Variants in CDKL4 observed in about 807,000 individuals in gnomAD.
CDKL4 encodes the protein cyclin dependent kinase like 4.
CDKL4 carries 44 observed loss-of-function variants against 42.0 expected under a neutral mutation model. The observed-to-expected ratio is 1.05, with a 90% CI of 0.82 to 1.35. The LOEUF is 1.35. Among genes scored for constraint, CDKL4 ranks in the 40% most tolerant of loss-of-function variants. CDKL4 has a pLI of 0.00. For synonymous variants in CDKL4, 120 were observed against 121.6 expected (o/e 0.99, Z 0.09); for missense variants, 393 against 369.9 (o/e 1.06, Z -0.51).
chr2:39,226,540 T>A (rs1346161753), intron 2 of CDKL4, among the ~76,000 whole-genome samples: 1 of 149,366 alleles, frequency 6.7e-6, no homozygotes, highest in Non-Finnish European at 1.5e-5. Context: ...TGCATAGATA[T>A]TTTGTGTGTT....
At chr2:39,219,295 G>A (rs1388754317) in intron 3 of CDKL4, among the ~76,000 whole-genome samples, 2 of 152,206 alleles carry the variant, frequency 1.3e-5, no homozygotes, top group African/African-American at 4.8e-5. Context: ...ATCCAAGGCT[G>A]TGAGAATCTA....
chr2:39,175,150 C>T (rs1675114107), downstream of CDKL4, among the ~76,000 whole-genome samples: 1 of 152,128 alleles, frequency 6.6e-6, no homozygotes, highest in Admixed American at 6.6e-5. Flanking sequence ...TTGGGCTGTA[C>T]AATTTCATAG....
chr2:39,220,940 T>C (rs907304956), intron 3 of CDKL4, among the ~76,000 whole-genome samples: 49 of 124,342 alleles, frequency 3.9e-4, no homozygotes, highest in African/African-American at 1.3e-3. Flanking sequence ...TATCTCACCA[T>C]CCCATGGCTC....
At chr2:39,177,403 GTT>G (rs538241800) in intron 9 of CDKL4, among the ~76,000 whole-genome samples, 12 of 136,502 alleles carry the variant, frequency 8.8e-5, no homozygotes, top group Non-Finnish European at 1.1e-4. Context: ...AATCCAGTGA[GTT>G]TTTTTTTTTT....
At chr2:39,208,744 A>T (rs77588629) in intron 4 of CDKL4, among the ~76,000 whole-genome samples, 3,033 of 148,060 alleles carry the variant, frequency 0.02, 116 homozygotes, top group African/African-American at 0.072. Context: ...CAGCCTAAAG[A>T]GATATCCATG....
chr2:39,209,349 T>G (rs1447107012), intron 4 of CDKL4, among the ~76,000 whole-genome samples: 1 of 151,922 alleles, frequency 6.6e-6, no homozygotes, highest in African/African-American at 2.4e-5. Flanking sequence ...TTTGCCATTT[T>G]GAGATGAAGC....
intron 5 of CDKL4, among the ~76,000 whole-genome samples, chr2:39,201,730 A>G (rs1389927027): frequency 6.6e-6 from 1 of 152,186 alleles, no homozygotes; most frequent in Admixed American, 6.5e-5. Flanking sequence ...TTCCTGAAAT[A>G]ACTCAGGAAT....
rs878974977 is a variant in CDKL4 at position 39,225,675 on chromosome 2, T to A, written c.290+164A>T. 3.3e-5 allele frequency among the ~76,000 whole-genome samples: 5 copies of A among 152,162 alleles called. No homozygotes were observed. The South Asian group carries it at 1.0e-3, about 31-fold the overall frequency. On this transcript the variant is annotated intron_variant, in intron 3 of 9. Transcript: ENST00000451199. ...CCTAATTATAACTCCTATAGGTAAATCATTGTTTGCCTTTTGAAGACATCC... is the reference window on the plus strand; with the variant it reads ...CCTAATTATAACTCCTATAGGTAAAACATTGTTTGCCTTTTGAAGACATCC...
intron 1 of CDKL4, among the ~76,000 whole-genome samples, chr2:39,238,118 T>C (rs563276868): frequency 2.6e-5 from 4 of 152,298 alleles, no homozygotes; most frequent in African/African-American, 9.6e-5. Flanking sequence ...AGATATCAGC[T>C]TTTCATAAAT....
At chr2:39,213,412 A>C (rs1440247369) in exon 4 of CDKL4, 2 of 1,595,262 alleles carry the variant, frequency 1.3e-6, no homozygotes, top group Non-Finnish European at 1.7e-6. Flanking sequence ...TATGTATATG[A>C]CAGAAATTAA....
At chr2:39,185,556 G>C (rs887228286) in intron 7 of CDKL4, among the ~76,000 whole-genome samples, 1 of 149,418 alleles carries the variant, frequency 6.7e-6, no homozygotes, top group South Asian at 2.1e-4. Context: ...TCCGCCTCCC[G>C]GGTTGATGCC....
At chr2:39,217,503 C>G (rs1458824684) in intron 3 of CDKL4, among the ~76,000 whole-genome samples, 1 of 151,952 alleles carries the variant, frequency 6.6e-6, no homozygotes, top group African/African-American at 2.4e-5. Context: ...TTATTATTAC[C>G]CAAGATGAAT....
Position 39,190,455 on chromosome 2 carries a change from C to G in CDKL4, c.502G>C (p.Ala168Pro), listed in dbSNP as rs1256482801. The G allele has an allele frequency of 6.2e-6, 10 of 1,613,994 alleles. No homozygotes were observed. Among genetic ancestry groups the G allele is most frequent in the Non-Finnish European group, 8.5e-6 (10 of 1,180,034 alleles). The change falls in exon 6 of 10, where the codon GCT becomes CCT. Residue 168 changes from alanine (A) to proline (P), a missense_variant. Coordinates refer to ENST00000451199, the Ensembl canonical transcript of CDKL4. ...GTATCTCCCACAAGAAGTTCAGGAG[C>G]TCGGTACCATCTCGTAGCTACATAA...
At chr2:39,217,692 G>C (rs779246959) in intron 3 of CDKL4, among the ~76,000 whole-genome samples, 1 of 151,120 alleles carries the variant, frequency 6.6e-6, no homozygotes, top group South Asian at 2.1e-4. Flanking sequence ...AACATGCCAG[G>C]CTTATTTTAT....
At chr2:39,240,062 C>T (rs1417286864) in intron 1 of CDKL4, among the ~76,000 whole-genome samples, 1 of 147,626 alleles carries the variant, frequency 6.8e-6, no homozygotes, top group African/African-American at 2.5e-5. Context: ...TGCACTCCAG[C>T]CTGGGTGACA....
At chr2:39,188,303 C>T (rs894759520) in intron 6 of CDKL4, among the ~76,000 whole-genome samples, 3 of 151,912 alleles carry the variant, frequency 2.0e-5, no homozygotes, top group Non-Finnish European at 2.9e-5. Flanking sequence ...TGGCTCACGC[C>T]TGTAATCCCA....
At chr2:39,226,457 T>TATATATATTATATATATATA (rs1678741027) in intron 2 of CDKL4, among the ~76,000 whole-genome samples, 1 of 133,468 alleles carries the variant, frequency 7.5e-6, no homozygotes, top group Non-Finnish European at 1.7e-5. Flanking sequence ...ATATATATAT[T>TATATATATTATATATATATA]ATATATATTA....
At position 39,194,222 on chromosome 2, in the gene CDKL4, C is replaced by T. The variant is rs544028582; in HGVS notation, c.455-3720G>A. ...CTTGTAATCCAGCACTTTGGGAGGC[C>T]GAGGTGGAAGGATCACTTGAGGCCA... On this transcript the variant is annotated intron_variant, in intron 5 of 9. Transcript: ENST00000451199. 2.2e-3 allele frequency among the ~76,000 whole-genome samples: 330 copies of T among 152,170 alleles called. 1 individual carries two copies. The highest frequency in any genetic ancestry group is 7.4e-3 in the African/African-American group (307 of 41,514).
At chr2:39,226,477 A>ATATATTATATATATATT (rs1288955376) in intron 2 of CDKL4, among the ~76,000 whole-genome samples, 11 of 25,218 alleles carry the variant, frequency 4.4e-4, no homozygotes, top group Non-Finnish European at 2.7e-3. Context: ...ATATATATAT[A>ATATATTATATATATATT]ATATATATTA....
Sources: gnomAD v4.1 joint callset for allele counts (sites outside exome capture counted in the v4.1 genomes callset) on GRCh38, gnomAD v4.1.1 for gene constraint, MANE v1.5 for transcripts, NCBI Gene and HGNC (gene_info 2026-07-23, HGNC 2026-07-21) for gene names.